The following MYPN variants were observed in gnomAD, a reference collection of about 807,000 sequenced individuals.
The protein encoded by MYPN is myopalladin.
A neutral mutation model predicts 129.4 loss-of-function variants in MYPN; 63 were observed. The ratio of observed to expected loss-of-function variants is 0.49; its 90% CI spans 0.40 to 0.60. MYPN has a LOEUF of 0.60. Ranked by LOEUF, MYPN falls within the 20% of genes least tolerant of loss-of-function variation. The pLI is 0.00. For missense variants in MYPN, 1,596 were observed against 1,635.4 expected (o/e 0.98, Z 0.42); for synonymous variants, 629 against 600.9 (o/e 1.05, Z -0.68).
intron 2 of MYPN, among the ~76,000 whole-genome samples, chr10:68,138,671 A>G (rs1314676249): frequency 6.6e-6 from 1 of 152,166 alleles, no homozygotes; most frequent in Non-Finnish European, 1.5e-5. Context: ...TTCTACTGCT[A>G]TTGCTTGGTT....
Position 68,199,460 on chromosome 10 carries a change from C to A in MYPN, c.3378C>A (p.Thr1126=). The change falls in exon 17 of 20, where the codon ACC becomes ACA. Residue 1126 remains threonine (T), a synonymous_variant. Transcript: ENST00000358913. ...CCCACAAGATGCTGGTCAGGGAGAC[C>A]GGAGTCCACTCTCTGCTCATTGACC... ...DASHKMLVRE[T]GVHSLLIDPL... is the part of the protein sequence containing the mutation. The A allele has an allele frequency of 6.2e-7, 1 of 1,614,100 alleles. No homozygotes were observed. The highest frequency in any genetic ancestry group is 8.5e-7 in the Non-Finnish European group (1 of 1,180,018).
At chr10:68,179,398 C>T (rs10997981) in intron 12 of MYPN, among the ~76,000 whole-genome samples, 7,955 of 152,188 alleles carry the variant, frequency 0.052, 244 homozygotes, top group Middle Eastern at 0.065. Context: ...TCAGACTGGG[C>T]GGTGTCTTGT....
Position 68,127,319 on chromosome 10 carries a change from CTTTTTTTTTTT to C in MYPN, c.902+4994_902+5004del, listed in dbSNP as rs71470508. Among the ~76,000 whole-genome samples, 94 of 72,572 alleles carry C rather than the reference CTTTTTTTTTTT, an allele frequency of 1.3e-3. 1 individual carries two copies. The Middle Eastern group carries it at 0.033, about 26-fold the overall frequency. 47.6% of individuals were successfully genotyped at this position (72,572 alleles called of 152,430 possible). On this transcript the variant is annotated intron_variant, in intron 2 of 19. Transcript: ENST00000358913. ...CATGCCCAGCCTGGGACACATATAT[CTTTTTTTTTTT>C]TTTTTTTTTTTTTTGAGATGAAGTC...
At chr10:68,114,343 T>C (rs2042123166) in intron 1 of MYPN, 1 of 130,958 alleles carries the variant, frequency 7.6e-6, no homozygotes, top group African/African-American at 3.1e-5. Context: ...TCTCTTTTTT[T>C]TTTCTTTTTT....
At chr10:68,116,111 C>G (rs2042152907) in intron 1 of MYPN, among the ~76,000 whole-genome samples, 1 of 152,124 alleles carries the variant, frequency 6.6e-6, no homozygotes, top group South Asian at 2.1e-4. Context: ...ACCACTGAAT[C>G]CACAGTGCCT....
At chr10:68,088,674 C>T (rs923373605) in intron 1 of MYPN, among the ~76,000 whole-genome samples, 1 of 152,160 alleles carries the variant, frequency 6.6e-6, no homozygotes, top group African/African-American at 2.4e-5. Context: ...GTGCTATTAA[C>T]ACAGTTTCTC....
At chr10:68,203,741 A>AGAGAGAGAGAGAGAGC (rs1554851578) in intron 18 of MYPN, among the ~76,000 whole-genome samples, 1 of 150,464 alleles carries the variant, frequency 6.6e-6, no homozygotes, top group African/African-American at 2.4e-5. Flanking sequence ...AGAGAGAGAG[A>AGAGAGAGAGAGAGAGC]GAGAGATACA....
intron 15 of MYPN, 146 bp from the exon 16 acceptor site, chr10:68,197,206 T>G: frequency 2.7e-6 from 2 of 742,464 alleles, no homozygotes; most frequent in Non-Finnish European, 2.2e-6. Context: ...CACACCATTA[T>G]TTATTGTTTA....
Position 68,175,188 on chromosome 10 carries a change from C to T in MYPN, c.2565-135C>T, listed in dbSNP as rs1242320089. ...AAAGACCTTTACAAATACCGATTCT[C>T]TGCACAGGGCTTAATTCCCTAAGTG... On this transcript the variant is annotated intron_variant, in intron 11 of 19. Coordinates refer to ENST00000358913, the MANE Select transcript of MYPN (RefSeq NM_032578.4). 4.2e-6 allele frequency: 4 copies of T among 960,728 alleles called. No homozygotes were observed. In the Admixed American group the frequency reaches 9.5e-5, roughly 23 times the overall value. 59.5% of individuals were successfully genotyped at this position (960,728 alleles called of 1,614,324 possible). A position where few individuals can be genotyped will look rare whatever the true frequency, so the allele number is the denominator to read the frequency against.
intron 7 of MYPN, among the ~76,000 whole-genome samples, chr10:68,161,520 A>AG (rs969894858): frequency 1.3e-5 from 2 of 151,966 alleles, no homozygotes; most frequent in African/African-American, 4.8e-5. Flanking sequence ...AGTCTCAAAA[A>AG]AAAAAAAAAA....
At position 68,160,388 on chromosome 10, in the gene MYPN, C is replaced by T. The variant is rs139912034; in HGVS notation, c.1460-1341C>T. Among the ~76,000 whole-genome samples the T allele has an allele frequency of 2.4e-3, 343 of 140,582 alleles. 3 individuals are homozygous for T. Among genetic ancestry groups the T allele is most frequent in the African/African-American group, 8.9e-3 (330 of 37,184 alleles). 92.2% of individuals were successfully genotyped at this position (140,582 alleles called of 152,430 possible). ...TGAGTTGCAGTGAGCTGAGATCACG[C>T]CACTGCATTCCAGCCTGAGCAACAG... On this transcript the variant is annotated intron_variant, in intron 7 of 19. Coordinates refer to ENST00000358913, the MANE Select transcript of MYPN (RefSeq NM_032578.4).
Position 68,195,454 on chromosome 10 carries a change from G to A in MYPN, c.3080G>A (p.Arg1027Lys). The change falls in exon 15 of 20, where the codon AGA becomes AAA. Residue 1027 changes from arginine to lysine, a missense_variant. By Grantham distance (26) the Arg-to-Lys change is conservative. Transcript: ENST00000358913. ...YTIMAANPQG[R>K]ISCSGHLMVQ... Reference sequence around the variant, plus strand: ...TGCTCTTTTTCTGTTTGTCAGGGGAGAATCAGCTGTTCTGGCCACTTGATG... The same window carrying A: ...TGCTCTTTTTCTGTTTGTCAGGGGAAAATCAGCTGTTCTGGCCACTTGATG... 6.2e-7 allele frequency: 1 copy of A among 1,613,870 alleles called. No individual in the cohort carries two copies. Among genetic ancestry groups the A allele is most frequent in the Non-Finnish European group, 8.5e-7 (1 of 1,179,792 alleles).
At chr10:68,188,411 CTTT>C (rs11418567) in intron 12 of MYPN, among the ~76,000 whole-genome samples, 1 of 144,348 alleles carries the variant, frequency 6.9e-6, no homozygotes, top group African/African-American at 2.6e-5. Flanking sequence ...TGCCTGGCCT[CTTT>C]TTTTTTTTTT....
At chr10:68,193,652 T>C (rs776939373) in intron 13 of MYPN, among the ~76,000 whole-genome samples, 1 of 152,194 alleles carries the variant, frequency 6.6e-6, no homozygotes, top group Non-Finnish European at 1.5e-5. Context: ...TTCATAAACA[T>C]TAGCATAGTG....
chr10:68,168,287 G>A (rs2134174852), intron 10 of MYPN, among the ~76,000 whole-genome samples: 1 of 152,250 alleles, frequency 6.6e-6, no homozygotes, highest in Non-Finnish European at 1.5e-5. Context: ...GAAACTGGGT[G>A]GGAGAAGTTC....
intron 8 of MYPN, among the ~76,000 whole-genome samples, chr10:68,164,032 A>G (rs1280799177): frequency 6.6e-6 from 1 of 152,196 alleles, no homozygotes; most frequent in Non-Finnish European, 1.5e-5. Context: ...CAATCCAAGT[A>G]GAGTAGACAA....
chr10:68,143,941 G>T (rs1352913977), intron 3 of MYPN, among the ~76,000 whole-genome samples: 1 of 152,104 alleles, frequency 6.6e-6, no homozygotes, highest in Non-Finnish European at 1.5e-5. Flanking sequence ...TTTTAGTAGA[G>T]ATGGGGTTTC....
At chr10:68,140,508 T>TG (rs924180125) in intron 2 of MYPN, among the ~76,000 whole-genome samples, 30 of 148,180 alleles carry the variant, frequency 2.0e-4, no homozygotes, top group African/African-American at 7.1e-4. Flanking sequence ...TAGTATAGGT[T>TG]TTTTTTTTTT....
chr10:68,155,995 G>T (rs766944644), intron 6 of MYPN, among the ~76,000 whole-genome samples: 3 of 152,192 alleles, frequency 2.0e-5, no homozygotes. Flanking sequence ...GGTTTAAATT[G>T]TGAGCAACAT....
Sources: allele counts gnomAD v4.1 joint callset (sites outside exome capture counted in the v4.1 genomes callset), GRCh38; gene constraint gnomAD v4.1.1; transcripts MANE v1.5; gene names NCBI Gene and HGNC (gene_info 2026-07-23, HGNC 2026-07-21).